The following RUNX2 variants were observed in gnomAD, a reference collection of about 807,000 sequenced individuals.
The protein encoded by RUNX2 is RUNX family transcription factor 2.
Under a neutral mutation model 51.7 loss-of-function variants are expected in RUNX2, and 10 were observed. The observed-to-expected ratio is 0.19, with a 90% CI of 0.12 to 0.33. The LOEUF (loss-of-function observed/expected upper bound fraction) is 0.33, where lower values mean the gene tolerates loss of function less well. Ranked by LOEUF, RUNX2 falls within the 10% of genes least tolerant of loss-of-function variation. The probability of loss-of-function intolerance (pLI) is 1.00; values close to 1 mark genes in which losing one functional copy is unlikely to be tolerated. For synonymous variants in RUNX2, 276 were observed against 273.6 expected (o/e 1.01, Z -0.09); for missense variants, 562 against 691.3 (o/e 0.81, Z 2.10).
intron 4 of RUNX2, among the ~76,000 whole-genome samples, chr6:45,435,503 G>T (rs146559155): frequency 2.6e-4 from 40 of 152,048 alleles, no homozygotes; most frequent in Admixed American, 2.0e-3. Flanking sequence ...GATTACAGGC[G>T]TGCGTCACCA....
chr6:45,541,249 G>A (rs941415648), intron 7 of RUNX2, among the ~76,000 whole-genome samples: 2 of 152,010 alleles, frequency 1.3e-5, no homozygotes, highest in Non-Finnish European at 2.9e-5. Context: ...ACCATCCAAA[G>A]CTGACTTTAT....
At chr6:45,403,822 A>G (rs752404551) in intron 2 of RUNX2, among the ~76,000 whole-genome samples, 1 of 152,192 alleles carries the variant, frequency 6.6e-6, no homozygotes, top group East Asian at 1.9e-4. Context: ...GTAATTATAT[A>G]TCAAATGGTA....
intron 5 of RUNX2, among the ~76,000 whole-genome samples, chr6:45,489,378 T>C (rs568223308): frequency 6.6e-6 from 1 of 152,320 alleles, no homozygotes; most frequent in South Asian, 2.1e-4. Context: ...CTGAAAACGC[T>C]GGGCTAAGAG....
rs6907275 is a variant in RUNX2 at position 45,335,637 on chromosome 6, A to G, written c.58+6853A>G. ...TCTTTATGCTAACAATCCACATTAT[A>G]TCAATCACTGTGTTTTCCATAAAGC... On this transcript the variant is annotated intron_variant, in intron 2 of 8. Coordinates refer to ENST00000647337, the MANE Select transcript of RUNX2 (RefSeq NM_001024630.4). 1.9e-3 allele frequency among the ~76,000 whole-genome samples: 286 copies of G among 151,426 alleles called. 1 individual carries two copies. Among genetic ancestry groups the G allele is most frequent in the African/African-American group, 6.5e-3 (269 of 41,498 alleles).
intron 4 of RUNX2, among the ~76,000 whole-genome samples, chr6:45,435,376 G>A (rs1798653467): frequency 2.0e-5 from 3 of 151,294 alleles, no homozygotes; most frequent in Non-Finnish European, 4.4e-5. Flanking sequence ...TTTCTTTTTT[G>A]AGATGGAGTC....
At chr6:45,474,028 A>G (rs1048594026) in intron 5 of RUNX2, among the ~76,000 whole-genome samples, 1 of 152,228 alleles carries the variant, frequency 6.6e-6, no homozygotes, top group African/African-American at 2.4e-5. Flanking sequence ...TTGTCTTTAA[A>G]AGAAAAGAAA....
chr6:45,435,650 G>A (rs1798665689), intron 4 of RUNX2, among the ~76,000 whole-genome samples: 1 of 152,134 alleles, frequency 6.6e-6, no homozygotes, highest in East Asian at 1.9e-4. Context: ...GAGCCACCGC[G>A]CCCAGCCGAC....
intron 7 of RUNX2, among the ~76,000 whole-genome samples, chr6:45,518,323 T>A (rs1002393751): frequency 1.3e-5 from 2 of 152,238 alleles, no homozygotes; most frequent in African/African-American, 4.8e-5. Flanking sequence ...GTATTCTTCA[T>A]TATATCGCCA....
chr6:45,447,585 C>T (rs1799039379), intron 5 of RUNX2, among the ~76,000 whole-genome samples: 1 of 152,198 alleles, frequency 6.6e-6, no homozygotes, highest in African/African-American at 2.4e-5. Context: ...CTTTAGCATT[C>T]TTTAAACTGC....
chr6:45,501,832 G>A (rs1331327774), intron 6 of RUNX2, among the ~76,000 whole-genome samples: 2 of 152,152 alleles, frequency 1.3e-5, no homozygotes, highest in African/African-American at 4.8e-5. Flanking sequence ...AGTGTTTTTA[G>A]TGGGCTGCAA....
chr6:45,401,932 ACT>A (rs1181414226), intron 2 of RUNX2, among the ~76,000 whole-genome samples: 2 of 152,020 alleles, frequency 1.3e-5, no homozygotes, highest in Admixed American at 6.6e-5. Flanking sequence ...TGAGACCCAA[ACT>A]CTCTTTGTCT....
At chr6:45,365,140 T>C (rs1794909849) in intron 2 of RUNX2, 8 of 1,015,086 alleles carry the variant, frequency 7.9e-6, no homozygotes, top group African/African-American at 1.6e-5. Flanking sequence ...TTATGTCTAT[T>C]GTCTTTCAAC....
In RUNX2 at chr6:45,373,749, C is replaced by T. The variant is rs139028022; in HGVS notation, c.58+44965C>T. 2.7e-3 allele frequency among the ~76,000 whole-genome samples: 408 copies of T among 152,218 alleles called. 3 individuals are homozygous for T. Among genetic ancestry groups the T allele is most frequent in the Middle Eastern group, 0.01 (3 of 294 alleles). ...TGTAATTTTAGTAGAGACGGGGTTT[C>T]GCCATGTTGGCCAGTCTGGTCTCCA... On this transcript the variant is annotated intron_variant, in intron 2 of 8. Transcript: ENST00000647337.
At position 45,364,423 on chromosome 6, in the gene RUNX2, T is replaced by G. The variant is rs1408890019; in HGVS notation, c.58+35639T>G. 5.3e-5 allele frequency among the ~76,000 whole-genome samples: 8 copies of G among 152,286 alleles called. No homozygotes were observed. The East Asian group carries it at 1.4e-3, about 26-fold the overall frequency. On this transcript the variant is annotated intron_variant, in intron 2 of 8. Transcript: ENST00000647337. ...ACACTTAAACCTTCAACAGATATAT[T>G]CTTTTCAACTACCTGTTAAGTCATG...
At chr6:45,398,498 G>A (rs530304437) in intron 2 of RUNX2, among the ~76,000 whole-genome samples, 166 of 152,216 alleles carry the variant, frequency 1.1e-3, no homozygotes, top group African/African-American at 3.7e-3. Context: ...CAAAAGATAT[G>A]TGAAGATTTT....
At chr6:45,434,074 A>C (rs936425468) in intron 4 of RUNX2, among the ~76,000 whole-genome samples, 7 of 152,124 alleles carry the variant, frequency 4.6e-5, no homozygotes, top group African/African-American at 1.7e-4. Context: ...GAGAAAGAAA[A>C]ATTGATTTAT....
chr6:45,339,536 T>C (rs1417532221), intron 2 of RUNX2, among the ~76,000 whole-genome samples: 4 of 152,166 alleles, frequency 2.6e-5, no homozygotes, highest in African/African-American at 9.6e-5. Context: ...TGATAGTCAA[T>C]GGTTATGTGT....
intron 2 of RUNX2, among the ~76,000 whole-genome samples, chr6:45,343,581 T>C (rs1790269179): frequency 6.6e-6 from 1 of 152,198 alleles, no homozygotes; most frequent in African/African-American, 2.4e-5. Flanking sequence ...AACTCTCTCT[T>C]GTAAAAAATG....
At chr6:45,331,104 G>GGTGT (rs143223149) in intron 2 of RUNX2, among the ~76,000 whole-genome samples, 4,957 of 149,646 alleles carry the variant, frequency 0.033, 146 homozygotes, top group African/African-American at 0.081. Flanking sequence ...TACAATGAGT[G>GGTGT]GTGTGTGTGT....
Sources: allele counts gnomAD v4.1 joint callset (sites outside exome capture counted in the v4.1 genomes callset), GRCh38; gene constraint gnomAD v4.1.1; transcripts MANE v1.5; gene names NCBI Gene and HGNC (gene_info 2026-07-23, HGNC 2026-07-21).